The following NPEPL1 variants were observed in gnomAD, a reference collection of about 807,000 sequenced individuals.
NPEPL1 encodes aminopeptidase like 1.
A neutral mutation model predicts 52.4 loss-of-function variants in NPEPL1; 45 were observed. The observed-to-expected ratio is 0.86, with a 90% confidence interval of 0.68 to 1.10. The LOEUF is 1.10. NPEPL1 is among the 50% of genes least tolerant of loss of function. The probability of loss-of-function intolerance (pLI) is 0.00; values close to 1 mark genes in which losing one functional copy is unlikely to be tolerated. For synonymous variants in NPEPL1, 360 were observed against 314.7 expected (o/e 1.14, Z -1.52); for missense variants, 696 against 710.9 (o/e 0.98, Z 0.24).
At chr20:58,689,706 C>T (rs1043047779), upstream of NPEPL1, among the ~76,000 whole-genome samples, 3 of 152,158 alleles carry the variant, frequency 2.0e-5, no homozygotes, top group African/African-American at 7.2e-5. Flanking sequence ...TCATCGTAGT[C>T]CAAGGGGCCT....
upstream of NPEPL1, chr20:58,689,202 A>ATATAT (rs1173484803): frequency 6.6e-6 from 1 of 152,192 alleles, no homozygotes; most frequent in African/African-American, 2.4e-5. Flanking sequence ...GGTCAAGTAC[A>ATATAT]ACCTGCAAGG....
At chr20:58,704,350 A>C in intron 6 of NPEPL1, 1 of 985,474 alleles carries the variant, frequency 1.0e-6, no homozygotes, top group Non-Finnish European at 1.2e-6. Flanking sequence ...AGCCTGGACT[A>C]GCAGGCCTCA....
At chr20:58,692,772 G>C (rs1016037530), upstream of NPEPL1, 561 of 964,034 alleles carry the variant, frequency 5.8e-4, 9 homozygotes, top group South Asian at 0.02. This position sits in a 1 kb window ranked among gnomAD's most constrained non-coding sequence, Gnocchi z 5.7. Flanking sequence ...GGAGCGGCGG[G>C]GGAGGCGGGG....
In NPEPL1 at chr20:58,694,518, G is replaced by C. The variant is rs1568846911; in HGVS notation, c.433G>C (p.Glu145Gln). ...CCGCTCAGGTGCCTCTCGGCGCTTGGAGAAGAAGACGGTCACCGTGGAGTT... is the reference window on the plus strand; with the variant it reads ...CCGCTCAGGTGCCTCTCGGCGCTTGCAGAAGAAGACGGTCACCGTGGAGTT... ...THRSGASRRL[E>Q]KKTVTVEFFL... The change falls in exon 3 of 12, where the codon GAG (glutamate) becomes CAG (glutamine). Residue 145 changes from glutamate to glutamine, a missense_variant. Glu to Gln is a conservative substitution (Grantham distance 29). Transcript: ENST00000356091. The C allele has an allele frequency of 6.2e-7, 1 of 1,614,038 alleles. No individual in the cohort carries two copies. Among genetic ancestry groups the C allele is most frequent in the Admixed American group, 1.7e-5 (1 of 60,030 alleles).
At chr20:58,701,311 GT>G (rs2084615074) in intron 6 of NPEPL1, among the ~76,000 whole-genome samples, 153 bp downstream of exon 6, 1 of 100,238 alleles carries the variant, frequency 1.0e-5, no homozygotes, top group African/African-American at 5.6e-5. Context: ...GTGCCCTGGG[GT>G]TGGGGTGGGG....
At chr20:58,699,721 C>T (rs548279915) in intron 5 of NPEPL1, among the ~76,000 whole-genome samples, 3 of 152,342 alleles carry the variant, frequency 2.0e-5, no homozygotes, top group South Asian at 2.1e-4. Flanking sequence ...ATGCCCCCTC[C>T]TCAGAGAGGC....
In NPEPL1 at chr20:58,701,037, C is replaced by G. The variant is rs1038192872; in HGVS notation, c.701C>G (p.Ala234Gly). The change falls in exon 6 of 12, where the codon GCC (alanine) becomes GGC (glycine). Residue 234 changes from alanine to glycine, a missense_variant. Ala to Gly is a moderately conservative substitution (Grantham distance 60). Coordinates refer to ENST00000356091, the MANE Select transcript of NPEPL1 (RefSeq NM_024663.4). ...GFGGIYGVGK[A>G]ALHPPALAVL... Reference sequence around the variant, plus strand: ...ATAGGAATCTATGGGGTTGGCAAAGCCGCCCTGCATCCCCCAGCCCTGGCC... The same window carrying G: ...ATAGGAATCTATGGGGTTGGCAAAGGCGCCCTGCATCCCCCAGCCCTGGCC... The G allele has an allele frequency of 1.3e-6, 2 of 1,592,602 alleles. No individual in the cohort carries two copies. Among genetic ancestry groups the G allele is most frequent in the Non-Finnish European group, 1.7e-6 (2 of 1,170,452 alleles).
At chr20:58,700,322 A>T (rs2084588265) in intron 5 of NPEPL1, among the ~76,000 whole-genome samples, 1 of 152,362 alleles carries the variant, frequency 6.6e-6, no homozygotes, top group Non-Finnish European at 1.5e-5. Flanking sequence ...CGTGGGGGCC[A>T]CAGGGGCCAT....
In NPEPL1 at chr20:58,714,574, C is replaced by A; in HGVS notation, c.1317C>A (p.Ser439Arg). The A allele has an allele frequency of 6.3e-7, 1 of 1,585,486 alleles. No individual in the cohort carries two copies. Among genetic ancestry groups the A allele is most frequent in the Non-Finnish European group, 8.6e-7 (1 of 1,168,630 alleles). ...GGCCTCCCTAGGACCGAGACAACAG[C>A]CCCAGCTCCTGTGCTGGCCTCTTCA... ...MKNSVADRDN[S>R]PSSCAGLFIA... Residue 439 changes from serine to arginine, a missense_variant, in exon 11 of 12, where the codon AGC becomes AGA. Ser to Arg is a moderately radical substitution (Grantham distance 110). Coordinates refer to ENST00000356091, the MANE Select transcript of NPEPL1 (RefSeq NM_024663.4).
chr20:58,693,082 CGCCGCGGAAGCCCAGG>C, intron 1 of NPEPL1, 32 bp downstream of exon 1: 1 of 1,002,040 alleles, frequency 1.0e-6, no homozygotes, highest in Non-Finnish European at 1.2e-6. Flanking sequence ...ATGCGACCCG[CGCCGCGGAAGCCCAGG>C]CCCGGGCGGC....
chr20:58,704,287 G>GA lies in NPEPL1; in HGVS notation c.823-2826dup, dbSNP rs3833302. The GA allele has an allele frequency of 5.9e-4, 571 of 971,442 alleles. 1 individual carries two copies. Among genetic ancestry groups the GA allele is most frequent in the African/African-American group, 3.2e-3 (181 of 56,340 alleles). The allele number at this position is 971,442 out of a possible 1,614,324, so 60.2% of individuals were successfully genotyped here. On this transcript the variant is annotated intron_variant, in intron 6 of 11. Transcript: ENST00000356091. ...GCCAGCCCAGCTCCCAGTTTTGCAA[G>GA]AAAAAAAAAATCACAGCTCCATTTT... is the stretch of plus-strand genomic sequence containing the variant.
At chr20:58,693,207 T>C (rs906273065) in intron 1 of NPEPL1, 157 bp downstream of exon 1, 9 of 423,386 alleles carry the variant, frequency 2.1e-5, no homozygotes, top group African/African-American at 1.3e-4. Flanking sequence ...GCCAGGCCAG[T>C]CCTCGCCCGC....
intron 5 of NPEPL1, among the ~76,000 whole-genome samples, chr20:58,699,740 A>G (rs1279433311): frequency 2.0e-5 from 3 of 152,226 alleles, no homozygotes; most frequent in Non-Finnish European, 4.4e-5. Flanking sequence ...GCCTTCCCCA[A>G]GTCCCCAGAC....
chr20:58,701,241 T>C (rs1183297908), intron 6 of NPEPL1, 83 bp downstream of exon 6: 1 of 30,370 alleles, frequency 3.3e-5, no homozygotes, highest in Non-Finnish European at 6.1e-5. Flanking sequence ...CCGGGTGCCC[T>C]GGGGGTGGGG....
upstream of NPEPL1, chr20:58,691,488 CTG>C: frequency 1.7e-6 from 1 of 602,958 alleles, no homozygotes; most frequent in East Asian, 3.3e-5. Context: ...AAGCTCTAGT[CTG>C]TGGTGTTTCC....
chr20:58,700,995 T>G, intron 5 of NPEPL1, 21 bp from the exon 6 acceptor site: 2 of 1,541,742 alleles, frequency 1.3e-6, no homozygotes, highest in Middle Eastern at 1.7e-4. Flanking sequence ...CCTAACCCAG[T>G]TCTCCCCACG....
Position 58,695,875 on chromosome 20 carries a change from A to G in NPEPL1, c.507+1283A>G, listed in dbSNP as rs367973898. Among the ~76,000 whole-genome samples the G allele has an allele frequency of 6.6e-4, 100 of 152,228 alleles. 3 individuals are homozygous for G. The South Asian group carries it at 0.018, about 28-fold the overall frequency. On this transcript the variant is annotated intron_variant, in intron 3 of 11. Transcript: ENST00000356091. The stretch of plus-strand genomic sequence containing the variant: ...GACATTGTTTTCTAAGGACTGCTGG[A>G]TGGGGTGTTGCCGTCCCTCCTTGAA...
chr20:58,707,229 G>C (rs1179071702), intron 7 of NPEPL1, 29 bp downstream of exon 7: 2 of 1,534,046 alleles, frequency 1.3e-6, no homozygotes, highest in Admixed American at 4.0e-5. Context: ...CCCTCTGCAG[G>C]GGCATCCTGG....
intron 8 of NPEPL1, 27 bp downstream of exon 8, chr20:58,712,606 T>C: frequency 2.0e-6 from 3 of 1,508,154 alleles, no homozygotes; most frequent in Non-Finnish European, 2.8e-6. Flanking sequence ...CACTCCTTCC[T>C]GCCCACTGTT....
Sources: gnomAD v4.1 joint callset for allele counts (sites outside exome capture counted in the v4.1 genomes callset) on GRCh38, gnomAD v4.1.1 for gene constraint, Gnocchi (gnomAD v3.1) non-coding constraint, MANE v1.5 for transcripts, NCBI Gene and HGNC (gene_info 2026-07-23, HGNC 2026-07-21) for gene names.